Variants in ULK2 observed in about 807,000 individuals in gnomAD.
The protein encoded by ULK2 is unc-51 like autophagy activating kinase 2.
Under a neutral mutation model 127.5 loss-of-function variants are expected in ULK2, and 76 were observed. The ratio of observed to expected loss-of-function variants is 0.60; its 90% CI spans 0.50 to 0.72. ULK2 has a LOEUF of 0.72. Ranked by LOEUF, ULK2 falls within the 30% of genes least tolerant of loss-of-function variation. The probability of loss-of-function intolerance (pLI) is 0.00; values close to 1 mark genes in which losing one functional copy is unlikely to be tolerated. For synonymous variants in ULK2, 452 were observed against 461.9 expected (o/e 0.98, Z 0.28); for missense variants, 1,144 against 1,295.9 (o/e 0.88, Z 1.80).
chr17:19,847,991 C>T (rs1176545646), intron 5 of ULK2, among the ~76,000 whole-genome samples: 1 of 152,168 alleles, frequency 6.6e-6, no homozygotes, highest in Non-Finnish European at 1.5e-5. Context: ...TGCCCACCTT[C>T]CTCATGTATA....
chr17:19,783,746 C>A lies in ULK2; in HGVS notation c.2411G>T (p.Gly804Val), dbSNP rs569884016. 20 of 1,594,632 alleles carry A rather than the reference C, an allele frequency of 1.3e-5. No homozygotes were observed. The African/African-American group carries it at 2.7e-4, about 21-fold the overall frequency. Reference sequence around the variant, plus strand: ...TTCAGGGGCTTCAAAGGTGATGAGCCCCTCTAGGCTGGGGGGTGAAGCACC... The same window carrying A: ...TTCAGGGGCTTCAAAGGTGATGAGCACCTCTAGGCTGGGGGGTGAAGCACC... ...PYGASPPSLE[G>V]LITFEAPELP... The change falls in exon 22 of 27, where the codon GGG becomes GTG. Residue 804 changes from glycine (G) to valine (V), a missense_variant. Physicochemically the swap from Gly to Val is moderately radical, Grantham distance 109. This residue lies in a region of ULK2 where 913 missense variants were observed against 970.5 expected (regional missense o/e 0.94). Transcript: ENST00000395544.
intron 20 of ULK2, among the ~76,000 whole-genome samples, chr17:19,791,861 A>C (rs2152384223): frequency 6.6e-6 from 1 of 150,722 alleles, no homozygotes; most frequent in African/African-American, 2.4e-5. Context: ...AAAAAAAAAA[A>C]AAAAAAATGA....
rs1177178098 is a variant in ULK2 at position 19,867,552 on chromosome 17, G to A, written c.-135C>T. 4.4e-6 allele frequency: 2 copies of A among 455,110 alleles called. No individual in the cohort carries two copies. Among genetic ancestry groups the A allele is most frequent in the Non-Finnish European group, 6.8e-6 (2 of 293,672 alleles). The allele number at this position is 455,110 out of a possible 1,614,324, so 28.2% of individuals were successfully genotyped here. A position where few individuals can be genotyped will look rare whatever the true frequency, so the allele number is the denominator to read the frequency against. ...GCAGCCGCAGCCCCGGGCCCGGGCG[G>A]ACTCTCATGCCGAGAGACCGGAGCG... On this transcript the variant is annotated 5_prime_UTR_variant, in exon 1 of 27. Coordinates refer to ENST00000395544, the MANE Select transcript of ULK2 (RefSeq NM_014683.4).
intron 8 of ULK2, among the ~76,000 whole-genome samples, chr17:19,842,620 T>C (rs2041792037): frequency 6.6e-6 from 1 of 152,140 alleles, no homozygotes; most frequent in Admixed American, 6.5e-5. Flanking sequence ...AGAGAAATCA[T>C]CGTGATTATA....
At chr17:19,806,618 A>T (rs1431777055) in intron 14 of ULK2, among the ~76,000 whole-genome samples, 1 of 152,168 alleles carries the variant, frequency 6.6e-6, no homozygotes, top group Non-Finnish European at 1.5e-5. Flanking sequence ...GACAAATTCC[A>T]GATCTCTAGC....
chr17:19,810,804 C>T (rs2087622001), intron 13 of ULK2: 3 of 172,010 alleles, frequency 1.7e-5, no homozygotes, highest in African/African-American at 7.1e-5. Flanking sequence ...CCCTTTAATA[C>T]TATTTGCACA....
At chr17:19,815,687 T>C (rs1423850231) in intron 13 of ULK2, among the ~76,000 whole-genome samples, 1 of 152,216 alleles carries the variant, frequency 6.6e-6, no homozygotes, top group Non-Finnish European at 1.5e-5. Flanking sequence ...GTATCTGCTC[T>C]ACTATTTTGT....
intron 3 of ULK2, among the ~76,000 whole-genome samples, chr17:19,863,651 AC>A (rs989918652): frequency 6.6e-6 from 1 of 152,252 alleles, no homozygotes; most frequent in Non-Finnish European, 1.5e-5. Flanking sequence ...GGCTCAAGCC[AC>A]CACACCCAGC....
chr17:19,802,592 T>C (rs1041477062), intron 15 of ULK2, among the ~76,000 whole-genome samples: 1 of 152,196 alleles, frequency 6.6e-6, no homozygotes, highest in Non-Finnish European at 1.5e-5. Flanking sequence ...ATACGTTATT[T>C]TGAGTGAAGA....
intron 3 of ULK2, among the ~76,000 whole-genome samples, chr17:19,851,111 G>A (rs1469011343): frequency 2.7e-5 from 4 of 148,788 alleles, no homozygotes; most frequent in Admixed American, 6.7e-5. Flanking sequence ...TAAGGAGTTC[G>A]AGACCAGCTT....
intron 1 of ULK2, among the ~76,000 whole-genome samples, chr17:19,867,046 T>TA (rs2152404639): frequency 6.6e-6 from 1 of 152,212 alleles, no homozygotes; most frequent in Non-Finnish European, 1.5e-5. Context: ...GGGTCCAGGG[T>TA]AACCTGGGTG....
At position 19,796,278 on chromosome 17, in the gene ULK2, G is replaced by A; in HGVS notation, c.1814C>T (p.Thr605Ile). The A allele has an allele frequency of 1.3e-6, 2 of 1,546,058 alleles. No homozygotes were observed. The highest frequency in any genetic ancestry group is 1.7e-6 in the Non-Finnish European group (2 of 1,155,124). ...AGTTTTAGGGATTTTGAAAGGAGCT[G>A]TGGTCTAAAGAGACATATATATATA... The part of the protein sequence containing the change: ...PTIIGSPTKT[T>I]APFKIPKTQA... Residue 605 changes from threonine to isoleucine, a missense_variant, in exon 19 of 27, where the codon ACA (threonine) becomes ATA (isoleucine). Coordinates refer to ENST00000395544, the MANE Select transcript of ULK2 (RefSeq NM_014683.4).
At position 19,776,093 on chromosome 17, in the gene ULK2, C is replaced by T. The variant is rs926291126; in HGVS notation, c.*256G>A. 1 of 448,018 alleles carries T rather than the reference C, an allele frequency of 2.2e-6. No individual in the cohort carries two copies. The highest frequency in any genetic ancestry group is 4.5e-5 in the South Asian group (1 of 22,074). The allele number at this position is 448,018 out of a possible 1,614,324, so 27.8% of individuals were successfully genotyped here. A position where few individuals can be genotyped will look rare whatever the true frequency, so the allele number is the denominator to read the frequency against. The stretch of plus-strand genomic sequence containing the variant: ...TCTAAGGTACATTTATTCACCAAGT[C>T]CAAACTGGGAGCCAAACACTCTTGC... On this transcript the variant is annotated 3_prime_UTR_variant, in exon 27 of 27. Transcript: ENST00000395544.
At chr17:19,832,854 G>C (rs2041494106) in intron 10 of ULK2, among the ~76,000 whole-genome samples, 1 of 152,174 alleles carries the variant, frequency 6.6e-6, no homozygotes, top group African/African-American at 2.4e-5. Flanking sequence ...CAGGCATCGT[G>C]GCTCATGCCT....
intron 9 of ULK2, 45 bp downstream of exon 9, chr17:19,841,444 A>G: frequency 1.3e-6 from 2 of 1,510,356 alleles, no homozygotes. Flanking sequence ...AATAAACAAC[A>G]CTGTATTCAC....
intron 21 of ULK2, 34 bp downstream of exon 21, chr17:19,785,892 TTCCAAATACTA>T: frequency 6.3e-7 from 1 of 1,582,978 alleles, no homozygotes; most frequent in Non-Finnish European, 8.6e-7. Context: ...AAACACTACA[TTCCAAATACTA>T]GCCAAAGACT....
intron 10 of ULK2, among the ~76,000 whole-genome samples, chr17:19,826,582 A>G (rs1338396327): frequency 6.6e-6 from 1 of 152,148 alleles, no homozygotes; most frequent in Non-Finnish European, 1.5e-5. Flanking sequence ...TTGTCCTAAG[A>G]GGAAATTGAT....
intron 20 of ULK2, among the ~76,000 whole-genome samples, chr17:19,791,554 A>G (rs1011755528): frequency 6.6e-6 from 1 of 152,102 alleles, no homozygotes; most frequent in Non-Finnish European, 1.5e-5. Flanking sequence ...GTATGGTGGC[A>G]CACACCTGTG....
At chr17:19,809,544 C>T (rs2087584077) in intron 14 of ULK2, among the ~76,000 whole-genome samples, 1 of 151,224 alleles carries the variant, frequency 6.6e-6, no homozygotes, top group African/African-American at 2.4e-5. Context: ...CCAGCCTGGC[C>T]AACATGGTGA....
Sources: gnomAD v4.1 joint callset for allele counts (sites outside exome capture counted in the v4.1 genomes callset) on GRCh38, gnomAD v4.1.1 for gene constraint, gnomAD v4.1.1 regional missense constraint, MANE v1.5 for transcripts, NCBI Gene and HGNC (gene_info 2026-07-23, HGNC 2026-07-21) for gene names.